The following PLXNB3 variants were observed in gnomAD, a reference collection of about 807,000 sequenced individuals.
PLXNB3 encodes plexin-B3.
A neutral mutation model predicts 125.7 loss-of-function variants in PLXNB3; 80 were observed. The ratio of observed to expected loss-of-function variants is 0.64; its 90% CI spans 0.53 to 0.77. The LOEUF (loss-of-function observed/expected upper bound fraction) is 0.77, where lower values mean the gene tolerates loss of function less well. PLXNB3 is among the 30% of genes least tolerant of loss of function. The pLI, the probability that PLXNB3 is intolerant of heterozygous loss-of-function variation, is 0.00. For synonymous variants in PLXNB3, 954 were observed against 783.3 expected, an observed-to-expected ratio of 1.22 and a Z score of -3.64; for missense variants, 1,836 against 1,729.3, an observed-to-expected ratio of 1.06 and a Z score of -1.09.
Position 153,767,452 on chromosome X carries a change from G to A in PLXNB3, c.625G>A (p.Ala209Thr), listed in dbSNP as rs2091870952. The A allele has an allele frequency of 8.4e-7, 1 of 1,193,379 alleles. No individual in the cohort carries two copies. The highest frequency in any genetic ancestry group is 3.0e-5 in the East Asian group (1 of 33,465). The change falls in exon 3 of 36, where the codon GCC becomes ACC. Residue 209 changes from alanine (A) to threonine (T), a missense_variant. Physicochemically the swap from Ala to Thr is moderately conservative, Grantham distance 58. Transcript: ENST00000361971. ...GVPPLAIRQL[A>T]GSQPFSSEGL... The stretch of plus-strand genomic sequence containing the variant: ...GCCACCCCTGGCCATCCGCCAGCTG[G>A]CCGGGTCTCAGCCCTTCTCCAGCGA...
In PLXNB3 at chrX:153,778,009, G is replaced by C. The variant is rs368444846; in HGVS notation, c.5323G>C (p.Val1775Leu). 2.1e-5 allele frequency: 26 copies of C among 1,210,567 alleles called. No homozygotes were observed. The highest frequency in any genetic ancestry group is 2.6e-5 in the Non-Finnish European group (23 of 895,023). Reference protein sequence around the residue: ...KNPQLIFDVRVSDNVDAILAV... With the variant: ...KNPQLIFDVRLSDNVDAILAV... ...CCCACAGCTCATCTTTGATGTACGGGTGTCGGACAATGTGGACGCCATCCT... is the reference window on the plus strand; with the variant it reads ...CCCACAGCTCATCTTTGATGTACGGCTGTCGGACAATGTGGACGCCATCCT... Residue 1775 changes from valine to leucine, a missense_variant, in exon 32 of 36, where the codon GTG (valine) becomes CTG (leucine). Transcript: ENST00000361971.
At chrX:153,766,564 A>C in intron 2 of PLXNB3, 2 of 1,016,107 alleles carry the variant, frequency 2.0e-6, no homozygotes, top group Non-Finnish European at 2.5e-6. Context: ...GCCCCCCTTC[A>C]ACAATCTACA....
At position 153,770,513 on chromosome X, in the gene PLXNB3, A is replaced by G; in HGVS notation, c.1896-15A>G. Reference sequence around the variant, plus strand: ...CCAGAGGGCACTCAGTTGAGCAGCCACCCTGCCCCTCTAGGTGTCGCGCTT... The same window carrying G: ...CCAGAGGGCACTCAGTTGAGCAGCCGCCCTGCCCCTCTAGGTGTCGCGCTT... On this transcript the variant is annotated splice_polypyrimidine_tract_variant and intron_variant, in intron 9 of 35. Coordinates refer to ENST00000361971, the MANE Select transcript of PLXNB3 (RefSeq NM_005393.3). 8.4e-7 allele frequency: 1 copy of G among 1,187,593 alleles called. No individual in the cohort carries two copies. Among genetic ancestry groups the G allele is most frequent in the Middle Eastern group, 2.6e-4 (1 of 3,774 alleles).
At chrX:153,766,728 GCTCA>G in intron 2 of PLXNB3, 141 bp from the exon 3 acceptor site, 1 of 1,040,221 alleles carries the variant, frequency 9.6e-7, no homozygotes, top group South Asian at 2.6e-5. Context: ...CCTTGTCTCC[GCTCA>G]CTCTCTCTCA....
In PLXNB3 at chrX:153,772,123, G is replaced by GGGTGGAGAAAGTGCGCTCGGTAGCAGCT. The variant is rs370958466; in HGVS notation, c.2670-54_2670-53insAGAAAGTGCGCTCGGTAGCAGCTGGTGG. 971 of 1,136,606 alleles carry GGGTGGAGAAAGTGCGCTCGGTAGCAGCT rather than the reference G, an allele frequency of 8.5e-4. 7 individuals carry two copies. In the African/African-American group the frequency reaches 0.015, roughly 17 times the overall value. 93.7% of individuals were successfully genotyped at this position (1,136,606 alleles called of 1,213,427 possible). On this transcript the variant is annotated intron_variant, in intron 15 of 35. Coordinates refer to ENST00000361971, the MANE Select transcript of PLXNB3 (RefSeq NM_005393.3). ...ACCTGGGGCACTCGGGTCAGGGGAG[G>GGGTGGAGAAAGTGCGCTCGGTAGCAGCT]GGTGGGCTGTCCCCTCCGTCCCTGA...
Position 153,771,507 on chromosome X carries a change from T to C in PLXNB3, c.2369T>C (p.Met790Thr). 8.3e-7 allele frequency: 1 copy of C among 1,205,588 alleles called. No homozygotes were observed. The highest frequency in any genetic ancestry group is 1.7e-5 in the African/African-American group (1 of 57,871). Reference sequence around the variant, plus strand: ...CTAGTGATCCTGTACGACTGCGCCATGGGCCACCCGGACTGCAGCCACTGC... The same window carrying C: ...CTAGTGATCCTGTACGACTGCGCCACGGGCCACCCGGACTGCAGCCACTGC... ...ALYVILYDCAMGHPDCSHCQA... is the reference protein window; with the variant it reads ...ALYVILYDCATGHPDCSHCQA... Residue 790 changes from methionine to threonine, a missense_variant, in exon 14 of 36, where the codon ATG (methionine) becomes ACG (threonine). Met to Thr is a moderately conservative substitution (Grantham distance 81, BLOSUM62 -1). Transcript: ENST00000361971.
chrX:153,778,913 G>A, intron 35 of PLXNB3, 22 bp from the exon 36 acceptor site: 1 of 1,133,856 alleles, frequency 8.8e-7, no homozygotes, highest in Non-Finnish European at 1.2e-6. Context: ...GCTCAGACAG[G>A]CACCCTCCTC....
At chrX:153,777,761 G>A in intron 31 of PLXNB3, 73 bp downstream of exon 31, 5 of 1,124,331 alleles carry the variant, frequency 4.4e-6, no homozygotes, top group Non-Finnish European at 6.0e-6. Context: ...GACATTCCCA[G>A]GGTGGATGCG....
In PLXNB3 at chrX:153,770,327, T is replaced by C; in HGVS notation, c.1787-11T>C. On this transcript the variant is annotated splice_polypyrimidine_tract_variant and intron_variant, in intron 8 of 35. Transcript: ENST00000361971. ...CACCTGACCTGTCCTGCCCCCACTG[T>C]CCCCTCCCAGACCACGTCACTGTGC... 8.3e-7 allele frequency: 1 copy of C among 1,204,996 alleles called. No homozygotes were observed. Among genetic ancestry groups the C allele is most frequent in the East Asian group, 3.0e-5 (1 of 33,801 alleles).
At chrX:153,774,607 C>T in intron 22 of PLXNB3, 36 bp downstream of exon 22, 3 of 1,172,657 alleles carry the variant, frequency 2.6e-6, no homozygotes, top group Non-Finnish European at 3.4e-6. Context: ...CTTCCCTCCT[C>T]GCCATTGGCA....
Position 153,773,222 on chromosome X carries a change from T to G in PLXNB3, c.2907-8T>G. On this transcript the variant is annotated splice_polypyrimidine_tract_variant and splice_region_variant and intron_variant, in intron 17 of 35. Coordinates refer to ENST00000361971, the MANE Select transcript of PLXNB3 (RefSeq NM_005393.3). ...CCGAGATGAGAGACCCCACTACCCA[T>G]CCTGCAGCCTGGAGCCAGTGTGTCC... The G allele has an allele frequency of 8.4e-7, 1 of 1,197,598 alleles. No homozygotes were observed. The highest frequency in any genetic ancestry group is 1.1e-6 in the Non-Finnish European group (1 of 886,874).
At chrX:153,769,102 G>A (rs1557060555) in intron 5 of PLXNB3, 26 bp downstream of exon 5, 1 of 1,205,579 alleles carries the variant, frequency 8.3e-7, no homozygotes, top group Admixed American at 2.2e-5. Flanking sequence ...GGGCTGAAGG[G>A]GCCAGCACAC....
At position 153,773,518 on chromosome X, in the gene PLXNB3, G is replaced by A. The variant is rs1557062754; in HGVS notation, c.3084G>A (p.Gly1028=). The change falls in exon 19 of 36, where the codon GGG becomes GGA. Residue 1028 remains glycine, a splice_region_variant and synonymous_variant. Coordinates refer to ENST00000361971, the MANE Select transcript of PLXNB3 (RefSeq NM_005393.3). ...ACACCCGACTGCCATCCTGGTACAG[G>A]GGTGGGCGACTGATCCGTGTCAGGG... is the stretch of plus-strand genomic sequence containing the variant. ...VAAEPSASFR[G]GGRLIRVRGT... is the part of the protein sequence containing the mutation. The A allele has an allele frequency of 1.7e-6, 2 of 1,195,297 alleles. No homozygotes were observed. The highest frequency in any genetic ancestry group is 3.0e-5 in the East Asian group (1 of 33,628).
Position 153,777,582 on chromosome X carries a change from C to A in PLXNB3, c.5155C>A (p.Arg1719=), listed in dbSNP as rs782674766. 5.0e-6 allele frequency: 6 copies of A among 1,211,676 alleles called. No individual in the cohort carries two copies. Among genetic ancestry groups the A allele is most frequent in the Non-Finnish European group, 6.7e-6 (6 of 895,311 alleles). Residue 1719 remains arginine (R), a synonymous_variant, in exon 31 of 36, where the codon CGG becomes AGG. Transcript: ENST00000361971. ...CTTCCAGGCCATTCTCAGCGTGAACCGGCCCATCCCCATCGCCGTCAAGTA... is the reference window on the plus strand; with the variant it reads ...CTTCCAGGCCATTCTCAGCGTGAACAGGCCCATCCCCATCGCCGTCAAGTA... ...DTFQAILSVN[R]PIPIAVKYLF...
rs782191730 is a variant in PLXNB3 at position 153,766,921 on chromosome X, C to T, written c.94C>T (p.Leu32=). 1.7e-6 allele frequency: 2 copies of T among 1,208,899 alleles called. No individual in the cohort carries two copies. Among genetic ancestry groups the T allele is most frequent in the South Asian group, 3.5e-5 (2 of 56,756 alleles). The change falls in exon 3 of 36, where the codon CTG becomes TTG. Residue 32 remains leucine, a synonymous_variant. Transcript: ENST00000361971. ...WPPFGLCLLL[L]LLSPPPLPLT... The stretch of plus-strand genomic sequence containing the variant: ...TCCCTTCGGCCTCTGCCTCCTCCTG[C>T]TGCTGCTGTCCCCACCGCCACTGCC...
intron 3 of PLXNB3, 62 bp downstream of exon 3, chrX:153,767,975 CA>C: frequency 4.8e-6 from 5 of 1,043,083 alleles, no homozygotes; most frequent in Non-Finnish European, 6.2e-6. Context: ...CAGCACTGGA[CA>C]GGGGTGCCTG....
chrX:153,773,810 A>G, intron 19 of PLXNB3, 49 bp from the exon 20 acceptor site: 1 of 1,206,507 alleles, frequency 8.3e-7, no homozygotes, highest in South Asian at 1.8e-5. Flanking sequence ...AGCAGCGCAC[A>G]GCAGAGCCCA....
At chrX:153,774,386 C>T in intron 21 of PLXNB3, 34 bp from the exon 22 acceptor site, 1 of 1,161,135 alleles carries the variant, frequency 8.6e-7, no homozygotes, top group Non-Finnish European at 1.2e-6. Context: ...CGGGTGCCGC[C>T]AGCATGCACT....
At chrX:153,764,997 T>C (rs2091841267) in intron 1 of PLXNB3, among the ~76,000 whole-genome samples, 1 of 112,838 alleles carries the variant, frequency 8.9e-6, no homozygotes, top group African/African-American at 3.2e-5. Context: ...AAGGCAGGCA[T>C]TGAGGGCCAG....
Sources: allele counts gnomAD v4.1 joint callset (sites outside exome capture counted in the v4.1 genomes callset), GRCh38; gene constraint gnomAD v4.1.1; transcripts MANE v1.5; gene names NCBI Gene and HGNC (gene_info 2026-07-23, HGNC 2026-07-21).